ITM2C: variants seen among roughly 807,000 people sequenced by gnomAD.
ITM2C encodes BRICHOS domain containing 2C.
In ITM2C, 20 loss-of-function variants were observed where a neutral mutation model predicts 30.0. The observed-to-expected ratio is 0.67, with a 90% CI of 0.47 to 0.97. The LOEUF (loss-of-function observed/expected upper bound fraction) is 0.97. ITM2C is among the 50% of genes least tolerant of loss of function. The probability of loss-of-function intolerance (pLI) is 0.00; values close to 1 mark genes in which losing one functional copy is unlikely to be tolerated. For missense variants in ITM2C, 366 were observed against 371.9 expected (o/e 0.98, Z 0.13); for synonymous variants, 167 against 156.4 (o/e 1.07, Z -0.51).
chr2:230,877,914 C>T lies in ITM2C; in HGVS notation c.713-94C>T, dbSNP rs1383686127. The stretch of plus-strand genomic sequence containing the variant: ...GGGTGAATCTGGGTGAATGGTGTCA[C>T]TTCCTGGCCCTCCTGTGGCTCAGGC... On this transcript the variant is annotated intron_variant, in intron 5 of 5. Transcript: ENST00000326427. The surrounding 1 kb of genome is among the most constrained non-coding windows in gnomAD (Gnocchi z 4.8). 6.1e-6 allele frequency: 6 copies of T among 981,262 alleles called. No individual in the cohort carries two copies. Among genetic ancestry groups the T allele is most frequent in the Admixed American group, 4.1e-5 (2 of 48,704 alleles). The allele number at this position is 981,262 out of a possible 1,614,324, so 60.8% of individuals were successfully genotyped here. A position where few individuals can be genotyped will look rare whatever the true frequency, so the allele number is the denominator to read the frequency against.
chr2:230,877,383 G>T lies in ITM2C; in HGVS notation c.562-17G>T. The T allele has an allele frequency of 6.2e-7, 1 of 1,611,956 alleles. No homozygotes were observed. Among genetic ancestry groups the T allele is most frequent in the Non-Finnish European group, 8.5e-7 (1 of 1,178,788 alleles). Reference sequence around the variant, plus strand: ...CCTGAGGGGCCGACTCACTGTGGCGGCCACCTTGTTTTGCAGAGGGGGACC... The same window carrying T: ...CCTGAGGGGCCGACTCACTGTGGCGTCCACCTTGTTTTGCAGAGGGGGACC... On this transcript the variant is annotated splice_polypyrimidine_tract_variant and intron_variant, in intron 4 of 5. Coordinates refer to ENST00000326427, the MANE Select transcript of ITM2C (RefSeq NM_030926.6). This position sits in a 1 kb window ranked among gnomAD's most constrained non-coding sequence, Gnocchi z 4.8.
rs369723774 is a variant in ITM2C at position 230,878,110 on chromosome 2, C to G, written c.*11C>G. 1.5e-5 allele frequency: 24 copies of G among 1,552,050 alleles called. No individual in the cohort carries two copies. Among genetic ancestry groups the G allele is most frequent in the Non-Finnish European group, 1.9e-5 (22 of 1,142,694 alleles). On this transcript the variant is annotated 3_prime_UTR_variant, in exon 6 of 6. Coordinates refer to ENST00000326427, the MANE Select transcript of ITM2C (RefSeq NM_030926.6). This position sits in a 1 kb window ranked among gnomAD's most constrained non-coding sequence, Gnocchi z 4.5. ...TGCGGGGTGGTGTGAGGCCCTCCTC[C>G]CCCAGAACCCCCTGCCGTGTTCCTC...
At position 230,864,959 on chromosome 2, in the gene ITM2C, C is replaced by G. The variant is rs1394287818; in HGVS notation, c.-67C>G. On this transcript the variant is annotated 5_prime_UTR_variant, in exon 1 of 6. Transcript: ENST00000326427. The surrounding 1 kb of genome is among the most constrained non-coding windows in gnomAD (Gnocchi z 4.3). ...CTTCCGGTGCCTGCAGAGCTCGGAG[C>G]GGCGGAGGCAGAGACCGAGGCTGCA... 3 of 1,345,460 alleles carry G rather than the reference C, an allele frequency of 2.2e-6. No individual in the cohort carries two copies. The East Asian group carries it at 9.1e-5, about 41-fold the overall frequency. 83.3% of individuals were successfully genotyped at this position (1,345,460 alleles called of 1,614,324 possible). A position where few individuals can be genotyped will look rare whatever the true frequency, so the allele number is the denominator to read the frequency against.
chr2:230,877,624 G>C lies in ITM2C; in HGVS notation c.712+74G>C. The stretch of plus-strand genomic sequence containing the variant: ...CACAGTTATCTTCACGCCTAGCCCA[G>C]CTGTCAGAGAGCTCAGATAGCAGCA... On this transcript the variant is annotated intron_variant, in intron 5 of 5. Transcript: ENST00000326427. The surrounding 1 kb of genome is among the most constrained non-coding windows in gnomAD (Gnocchi z 4.8). The C allele has an allele frequency of 6.6e-7, 1 of 1,520,200 alleles. No homozygotes were observed. Among genetic ancestry groups the C allele is most frequent in the Non-Finnish European group, 9.0e-7 (1 of 1,107,018 alleles). The allele number at this position is 1,520,200 out of a possible 1,614,324, so 94.2% of individuals were successfully genotyped here.
chr2:230,868,360 C>T (rs769939265), intron 1 of ITM2C, among the ~76,000 whole-genome samples: 41 of 152,024 alleles, frequency 2.7e-4, no homozygotes, highest in Admixed American at 7.2e-4. Context: ...CAAAGCACTC[C>T]CTCCCAGCGC....
At chr2:230,873,198 TCC>T in intron 1 of ITM2C, 1 of 451,836 alleles carries the variant, frequency 2.2e-6, no homozygotes, top group Non-Finnish European at 3.8e-6. Context: ...GAGGTGTGTC[TCC>T]TTTTCTCTTT....
At chr2:230,869,715 G>A (rs1697117295) in intron 1 of ITM2C, among the ~76,000 whole-genome samples, 1 of 152,206 alleles carries the variant, frequency 6.6e-6, no homozygotes, top group South Asian at 2.1e-4. Context: ...TTCCAGCTGT[G>A]GGGGTCTGCC....
In ITM2C at chr2:230,865,076, G is replaced by A. The variant is rs1276411085; in HGVS notation, c.51G>A (p.Lys17=). 1 of 1,540,250 alleles carries A rather than the reference G, an allele frequency of 6.5e-7. No homozygotes were observed. Among genetic ancestry groups the A allele is most frequent in the Non-Finnish European group, 8.8e-7 (1 of 1,141,168 alleles). ...QPAVAGIKGD[K]ADKASASAPA... The stretch of plus-strand genomic sequence containing the variant: ...CCGTGGCTGGCATCAAGGGCGACAA[G>A]GCTGACAAGGCGTCGGCGTCGGCCC... The change falls in exon 1 of 6, where the codon AAG becomes AAA. Residue 17 remains lysine, a synonymous_variant. Coordinates refer to ENST00000326427, the MANE Select transcript of ITM2C (RefSeq NM_030926.6). The surrounding 1 kb of genome is among the most constrained non-coding windows in gnomAD (Gnocchi z 6.8).
Position 230,877,606 on chromosome 2 carries a change from A to G in ITM2C, c.712+56A>G. On this transcript the variant is annotated intron_variant, in intron 5 of 5. Transcript: ENST00000326427. The surrounding 1 kb of genome is among the most constrained non-coding windows in gnomAD (Gnocchi z 4.8). Reference sequence around the variant, plus strand: ...CTGTCCCGTGCCCCAGACCACAGTTATCTTCACGCCTAGCCCAGCTGTCAG... The same window carrying G: ...CTGTCCCGTGCCCCAGACCACAGTTGTCTTCACGCCTAGCCCAGCTGTCAG... 1.3e-6 allele frequency: 2 copies of G among 1,586,724 alleles called. No individual in the cohort carries two copies. The highest frequency in any genetic ancestry group is 1.3e-5 in the African/African-American group (1 of 74,482).
intron 2 of ITM2C, among the ~76,000 whole-genome samples, chr2:230,874,819 G>A (rs1697250646): frequency 6.6e-6 from 1 of 152,206 alleles, no homozygotes; most frequent in Admixed American, 6.5e-5. Context: ...TGGGCAGACT[G>A]GCCCGCCCGG....
At chr2:230,868,905 C>T (rs577067881) in intron 1 of ITM2C, among the ~76,000 whole-genome samples, 1 of 152,364 alleles carries the variant, frequency 6.6e-6, no homozygotes, top group Admixed American at 6.5e-5. Flanking sequence ...TGGCTGTCGT[C>T]CATTCCTGGG....
chr2:230,870,228 C>A (rs1338403935), intron 1 of ITM2C, among the ~76,000 whole-genome samples: 1 of 152,150 alleles, frequency 6.6e-6, no homozygotes, highest in Non-Finnish European at 1.5e-5. Flanking sequence ...GGTGTTTGAG[C>A]CTTGGTGTTG....
rs1026388693 is a variant in ITM2C, at chr2:230,877,858, C to T, written c.713-150C>T. The T allele has an allele frequency of 3.1e-5, 21 of 683,986 alleles. No individual in the cohort carries two copies. Among genetic ancestry groups the T allele is most frequent in the Non-Finnish European group, 5.0e-5 (20 of 401,074 alleles). The allele number at this position is 683,986 out of a possible 1,614,324, so 42.4% of individuals were successfully genotyped here. ...ACATGGGCAGGCTGACTCCAGCTTT[C>T]GAGCTCTCCCCATTTCTCACTGTGC... On this transcript the variant is annotated intron_variant, in intron 5 of 5. Transcript: ENST00000326427. This position sits in a 1 kb window ranked among gnomAD's most constrained non-coding sequence, Gnocchi z 4.8.
chr2:230,866,076 G>A (rs1271694267), intron 1 of ITM2C, among the ~76,000 whole-genome samples: 1 of 152,230 alleles, frequency 6.6e-6, no homozygotes, highest in Non-Finnish European at 1.5e-5. Flanking sequence ...TTGTGTCCGG[G>A]AAGGGCCCGC....
Position 230,873,566 on chromosome 2 carries a change from C to A in ITM2C, c.261+9C>A. On this transcript the variant is annotated intron_variant, in intron 2 of 5. Coordinates refer to ENST00000326427, the MANE Select transcript of ITM2C (RefSeq NM_030926.6). ...ACTTCTTCCTTGCGCAGGTGAGGGG[C>A]CGGGCCAGGTAGGGGCAAGGCCTCG... 1 of 1,596,762 alleles carries A rather than the reference C, an allele frequency of 6.3e-7. No individual in the cohort carries two copies. Among genetic ancestry groups the A allele is most frequent in the South Asian group, 1.1e-5 (1 of 87,730 alleles).
intron 1 of ITM2C, among the ~76,000 whole-genome samples, chr2:230,868,185 A>G (rs1447306543): frequency 6.6e-6 from 1 of 151,038 alleles, no homozygotes; most frequent in Non-Finnish European, 1.5e-5. Context: ...TGGACCTGAG[A>G]CTGGAAGGAA....
At chr2:230,871,696 C>T (rs978188972) in intron 1 of ITM2C, among the ~76,000 whole-genome samples, 4 of 152,240 alleles carry the variant, frequency 2.6e-5, no homozygotes, top group Admixed American at 1.3e-4. Flanking sequence ...GGCTCCCTTG[C>T]GGGCAGACTT....
rs909636602 is a variant in ITM2C at position 230,865,826 on chromosome 2, G to C, written c.120+681G>C. 9 of 152,376 alleles carry C rather than the reference G, an allele frequency of 5.9e-5. No individual in the cohort carries two copies. The highest frequency in any genetic ancestry group is 2.2e-4 in the African/African-American group (9 of 41,450). 9.4% of individuals were successfully genotyped at this position (152,376 alleles called of 1,614,324 possible). ...CCCCCTTCCCACCCCACGCCCTGCC[G>C]TCTGGGCCTCCCTGCTCCCCTCTCT... On this transcript the variant is annotated intron_variant, in intron 1 of 5. Coordinates refer to ENST00000326427, the MANE Select transcript of ITM2C (RefSeq NM_030926.6). This position sits in a 1 kb window ranked among gnomAD's most constrained non-coding sequence, Gnocchi z 6.8.
rs1463277028 is a variant in ITM2C at position 230,877,381 on chromosome 2, C to A, written c.562-19C>A. ...AGCCTGAGGGGCCGACTCACTGTGG[C>A]GGCCACCTTGTTTTGCAGAGGGGGA... On this transcript the variant is annotated intron_variant, in intron 4 of 5. Coordinates refer to ENST00000326427, the MANE Select transcript of ITM2C (RefSeq NM_030926.6). The surrounding 1 kb of genome is among the most constrained non-coding windows in gnomAD (Gnocchi z 4.8). 6.2e-7 allele frequency: 1 copy of A among 1,611,104 alleles called. No homozygotes were observed. Among genetic ancestry groups the A allele is most frequent in the East Asian group, 2.2e-5 (1 of 44,826 alleles).
Sources: allele counts gnomAD v4.1 joint callset (sites outside exome capture counted in the v4.1 genomes callset), GRCh38; gene constraint gnomAD v4.1.1; non-coding constraint Gnocchi (gnomAD v3.1); transcripts MANE v1.5; gene names NCBI Gene and HGNC (gene_info 2026-07-23, HGNC 2026-07-21).